Variants in LDLRAD3 observed in about 807,000 individuals in gnomAD.
LDLRAD3 encodes low density lipoprotein receptor class A domain containing 3.
In LDLRAD3, 20 loss-of-function variants were observed where a neutral mutation model predicts 29.4. The observed-to-expected ratio is 0.68, with a 90% CI of 0.48 to 0.99. The LOEUF (loss-of-function observed/expected upper bound fraction) is 0.99, where lower values mean the gene tolerates loss of function less well. Among genes scored for constraint, LDLRAD3 ranks in the 50% least tolerant of loss-of-function variants. The pLI is 0.00. For synonymous variants in LDLRAD3, 157 were observed against 192.7 expected (o/e 0.81, Z 1.53); for missense variants, 420 against 454.3 (o/e 0.92, Z 0.69).
chr11:36,171,101 G>A (rs1461313573), intron 4 of LDLRAD3, among the ~76,000 whole-genome samples: 1 of 151,876 alleles, frequency 6.6e-6, no homozygotes, highest in African/African-American at 2.4e-5. Context: ...CTTCTTTTGG[G>A]AATTGTCTAT....
At chr11:36,089,795 A>G (rs1345084044) in intron 3 of LDLRAD3, among the ~76,000 whole-genome samples, 1 of 114,784 alleles carries the variant, frequency 8.7e-6, no homozygotes, top group African/African-American at 3.5e-5. Flanking sequence ...TTTTTTTTGT[A>G]GAGAAGGGGT....
At chr11:36,228,392 G>A (rs544254845) in intron 5 of LDLRAD3, among the ~76,000 whole-genome samples, 4 of 152,318 alleles carry the variant, frequency 2.6e-5, no homozygotes, top group African/African-American at 7.2e-5. Flanking sequence ...ACCCAGCATA[G>A]GGTAAGGTTA....
intron 4 of LDLRAD3, among the ~76,000 whole-genome samples, chr11:36,199,632 G>A (rs1855093108): frequency 6.6e-6 from 1 of 151,974 alleles, no homozygotes; most frequent in Non-Finnish European, 1.5e-5. Flanking sequence ...CATTCCAGGT[G>A]GATTGACAGC....
At position 36,098,387 on chromosome 11, in the gene LDLRAD3, A is replaced by C; in HGVS notation, c.380A>C (p.Asp127Ala). ...RYHCKNGLCIDKSFICDGQNN... is the reference protein window; with the variant it reads ...RYHCKNGLCIAKSFICDGQNN... ...CACTGCAAGAACGGCCTCTGTATTGACAAGAGCTTCATCTGCGATGGACAG... is the reference window on the plus strand; with the variant it reads ...CACTGCAAGAACGGCCTCTGTATTGCCAAGAGCTTCATCTGCGATGGACAG... The change falls in exon 4 of 6, where the codon GAC (aspartate) becomes GCC (alanine). Residue 127 changes from aspartate (D) to alanine (A), a missense_variant. Coordinates refer to ENST00000315571, the MANE Select transcript of LDLRAD3 (RefSeq NM_174902.4). The C allele has an allele frequency of 1.2e-6, 2 of 1,614,248 alleles. No homozygotes were observed. Among genetic ancestry groups the C allele is most frequent in the Non-Finnish European group, 1.7e-6 (2 of 1,180,044 alleles).
intron 4 of LDLRAD3, among the ~76,000 whole-genome samples, chr11:36,169,144 T>C (rs964608516): frequency 1.3e-5 from 2 of 152,168 alleles, no homozygotes; most frequent in Non-Finnish European, 2.9e-5. Flanking sequence ...ATCCTTCTTA[T>C]TGATCTGTGA....
intron 2 of LDLRAD3, among the ~76,000 whole-genome samples, chr11:36,072,202 C>G (rs917498401): frequency 8.5e-5 from 13 of 152,148 alleles, no homozygotes; most frequent in Admixed American, 8.5e-4. Flanking sequence ...GAAGAGAGAT[C>G]CTGGAGACCC....
intron 4 of LDLRAD3, among the ~76,000 whole-genome samples, chr11:36,116,810 T>C (rs893155280): frequency 6.6e-6 from 1 of 152,010 alleles, no homozygotes; most frequent in African/African-American, 2.4e-5. Flanking sequence ...ACTTGCCTTG[T>C]CATTGCCTGA....
chr11:36,076,423 G>A (rs1853003810), intron 2 of LDLRAD3, among the ~76,000 whole-genome samples: 1 of 150,684 alleles, frequency 6.6e-6, no homozygotes, highest in African/African-American at 2.4e-5. Flanking sequence ...GTCTCTCTCT[G>A]TCGCCCAGGC....
intron 4 of LDLRAD3, among the ~76,000 whole-genome samples, chr11:36,224,754 A>G (rs1471287901): frequency 6.6e-6 from 1 of 152,168 alleles, no homozygotes; most frequent in Non-Finnish European, 1.5e-5. Context: ...TTTGTCTCAG[A>G]TTGGGATCAT....
intron 5 of LDLRAD3, among the ~76,000 whole-genome samples, chr11:36,228,046 T>C (rs1855524461): frequency 6.6e-6 from 1 of 152,148 alleles, no homozygotes; most frequent in Non-Finnish European, 1.5e-5. Flanking sequence ...GTACAAGAAC[T>C]CCCAGTATGT....
intron 4 of LDLRAD3, among the ~76,000 whole-genome samples, chr11:36,104,729 T>G (rs1261116695): frequency 6.6e-6 from 1 of 152,198 alleles, no homozygotes; most frequent in Non-Finnish European, 1.5e-5. Flanking sequence ...CATAGTTTGT[T>G]CCTGGTCTAG....
At chr11:36,204,329 C>T (rs1286157919) in intron 4 of LDLRAD3, among the ~76,000 whole-genome samples, 1 of 152,140 alleles carries the variant, frequency 6.6e-6, no homozygotes, top group Admixed American at 6.5e-5. Context: ...AACTGAGGTA[C>T]AAAGAAGGTA....
intron 2 of LDLRAD3, among the ~76,000 whole-genome samples, chr11:36,069,198 T>C (rs1424424286): frequency 6.6e-6 from 1 of 152,228 alleles, no homozygotes; most frequent in African/African-American, 2.4e-5. Flanking sequence ...GGAGTGAGTT[T>C]GCTTTCTGGG....
At chr11:36,115,424 G>C (rs1296837119) in intron 4 of LDLRAD3, among the ~76,000 whole-genome samples, 3 of 152,136 alleles carry the variant, frequency 2.0e-5, no homozygotes, top group Non-Finnish European at 2.9e-5. Context: ...GCTAATAGTA[G>C]GTACCCATTT....
intron 4 of LDLRAD3, among the ~76,000 whole-genome samples, chr11:36,127,020 G>A (rs987685201): frequency 6.0e-4 from 92 of 152,168 alleles, no homozygotes; most frequent in African/African-American, 2.2e-3. Flanking sequence ...AGAATTTAAT[G>A]TCTGGTTTTG....
At chr11:36,053,942 A>C (rs1369194602) in intron 2 of LDLRAD3, among the ~76,000 whole-genome samples, 1 of 152,180 alleles carries the variant, frequency 6.6e-6, no homozygotes, top group Non-Finnish European at 1.5e-5. Context: ...CCTAGAGTCC[A>C]TCCATCCTGC....
At chr11:36,100,713 C>T (rs1414516915) in intron 4 of LDLRAD3, among the ~76,000 whole-genome samples, 1 of 152,220 alleles carries the variant, frequency 6.6e-6, no homozygotes, top group Non-Finnish European at 1.5e-5. Flanking sequence ...CCGGGATTTA[C>T]AGGCGTGAGC....
intron 4 of LDLRAD3, among the ~76,000 whole-genome samples, chr11:36,198,419 G>A (rs2133372080): frequency 6.6e-6 from 1 of 152,156 alleles, no homozygotes; most frequent in South Asian, 2.1e-4. Flanking sequence ...ATGGCATCCT[G>A]CTCTCGTAAA....
intron 2 of LDLRAD3, among the ~76,000 whole-genome samples, chr11:36,066,391 C>T (rs1404009449): frequency 2.0e-5 from 3 of 152,148 alleles, no homozygotes; most frequent in African/African-American, 7.2e-5. Flanking sequence ...GCTCAGTTAC[C>T]TAACCCACAT....
Sources: gnomAD v4.1 joint callset for allele counts (sites outside exome capture counted in the v4.1 genomes callset) on GRCh38, gnomAD v4.1.1 for gene constraint, MANE v1.5 for transcripts, NCBI Gene and HGNC (gene_info 2026-07-23, HGNC 2026-07-21) for gene names.